The following SHB variants were observed in gnomAD, a reference collection of about 807,000 sequenced individuals.
SHB encodes SH2 domain-containing adapter protein B.
In SHB, 20 loss-of-function variants were observed where a neutral mutation model predicts 52.3. The observed-to-expected ratio is 0.38, with a 90% CI of 0.27 to 0.56. The LOEUF is 0.56. SHB is among the 20% of genes least tolerant of loss of function. The probability of loss-of-function intolerance (pLI) is 0.71; values close to 1 mark genes in which losing one functional copy is unlikely to be tolerated. For synonymous variants in SHB, 397 were observed against 316.5 expected, an observed-to-expected ratio of 1.25 and a Z score of -2.70; for missense variants, 825 against 723.3, an observed-to-expected ratio of 1.14 and a Z score of -1.61.
chr9:37,949,691 C>A (rs1304886618), intron 4 of SHB, among the ~76,000 whole-genome samples: 1 of 152,164 alleles, frequency 6.6e-6, no homozygotes, highest in East Asian at 1.9e-4. Context: ...TCAGAGGGTG[C>A]TGATGGGAGG....
At chr9:38,019,894 A>C (rs1821261645) in intron 1 of SHB, among the ~76,000 whole-genome samples, 1 of 152,232 alleles carries the variant, frequency 6.6e-6, no homozygotes, top group Non-Finnish European at 1.5e-5. Context: ...AGGCTGAAAA[A>C]AAAAATTTAA....
At chr9:38,040,995 C>T (rs1821568373) in intron 1 of SHB, among the ~76,000 whole-genome samples, 1 of 151,958 alleles carries the variant, frequency 6.6e-6, no homozygotes, top group African/African-American at 2.4e-5. Flanking sequence ...GAGTTAACTT[C>T]CACAGGACTG....
chr9:38,015,108 C>T (rs1305819540), intron 2 of SHB, among the ~76,000 whole-genome samples: 1 of 152,250 alleles, frequency 6.6e-6, no homozygotes, highest in Admixed American at 6.5e-5. Flanking sequence ...AGCCACTCTC[C>T]TGCACCCTGC....
intron 1 of SHB, among the ~76,000 whole-genome samples, chr9:38,046,316 A>C (rs1298092080): frequency 6.6e-6 from 1 of 152,210 alleles, no homozygotes; most frequent in Non-Finnish European, 1.5e-5. Context: ...GAAGAAGTGA[A>C]CAGAGGCAAC....
chr9:38,062,926 C>T (rs1476224762), intron 1 of SHB, among the ~76,000 whole-genome samples: 3 of 152,198 alleles, frequency 2.0e-5, no homozygotes, highest in Admixed American at 6.5e-5. Flanking sequence ...GCATGGCCCA[C>T]AATCAAACCA....
In SHB at chr9:38,067,963, G is replaced by T. The variant is rs1821992512; in HGVS notation, c.683C>A (p.Ala228Asp). ...KKLLNKCAAS[A>D]AEESGAGKKD... ...CTTGCCGGCCCCGCTCTCCTCCGCG[G>T]CTGAGGCGGCGCACTTGTTGAGCAG... The change falls in exon 1 of 6, where the codon GCC (alanine) becomes GAC (aspartate). Residue 228 changes from alanine to aspartate, a missense_variant. Transcript: ENST00000377707. The T allele has an allele frequency of 1.3e-6, 2 of 1,551,388 alleles. No homozygotes were observed. Among genetic ancestry groups the T allele is most frequent in the East Asian group, 2.5e-5 (1 of 40,370 alleles).
intron 1 of SHB, among the ~76,000 whole-genome samples, chr9:38,046,332 C>A (rs1821651574): frequency 6.6e-6 from 1 of 152,182 alleles, no homozygotes; most frequent in African/African-American, 2.4e-5. Flanking sequence ...GCAACAGAAA[C>A]CGTGTTGCTG....
intron 1 of SHB, among the ~76,000 whole-genome samples, chr9:38,040,918 G>A (rs1821567049): frequency 6.6e-6 from 1 of 151,952 alleles, no homozygotes; most frequent in Admixed American, 6.6e-5. Flanking sequence ...GGGGTTAGGT[G>A]GGAATAAAGC....
chr9:37,969,682 T>C (rs917377882), intron 3 of SHB, among the ~76,000 whole-genome samples: 1 of 152,208 alleles, frequency 6.6e-6, no homozygotes, highest in Admixed American at 6.5e-5. Flanking sequence ...TCCCTGCCTG[T>C]GGGCCCCTCC....
rs112107963 is a variant in SHB at position 38,000,587 on chromosome 9, G to A, written c.838+15424C>T. Among the ~76,000 whole-genome samples the A allele has an allele frequency of 3.7e-3, 565 of 152,360 alleles. 8 individuals carry two copies. The highest frequency in any genetic ancestry group is 0.013 in the African/African-American group (534 of 41,582). Reference sequence around the variant, plus strand: ...GCTGATTCCCAGGTGGCGCTGTTCCGAGGCCGGGTGGGCTGATTCTGTCTG... The same window carrying A: ...GCTGATTCCCAGGTGGCGCTGTTCCAAGGCCGGGTGGGCTGATTCTGTCTG... On this transcript the variant is annotated intron_variant, in intron 2 of 5. Transcript: ENST00000377707.
At position 38,040,611 on chromosome 9, in the gene SHB, C is replaced by A. The variant is rs926781748; in HGVS notation, c.718-24480G>T. ...GGTAGTGCTGGAGTGGCTGGGAGGG[C>A]TTCCTGGAGGAGGTGGCGGTCTTTC... On this transcript the variant is annotated intron_variant, in intron 1 of 5. Transcript: ENST00000377707. Among the ~76,000 whole-genome samples, 5 of 152,114 alleles carry A rather than the reference C, an allele frequency of 3.3e-5. No individual in the cohort carries two copies. The South Asian group carries it at 1.0e-3, about 32-fold the overall frequency.
At chr9:37,966,039 A>G (rs1820512706) in intron 3 of SHB, among the ~76,000 whole-genome samples, 1 of 152,144 alleles carries the variant, frequency 6.6e-6, no homozygotes, top group African/African-American at 2.4e-5. Flanking sequence ...GGGTTTCACC[A>G]TATTGGCCAG....
At chr9:38,044,231 T>C (rs1821616985) in intron 1 of SHB, among the ~76,000 whole-genome samples, 1 of 152,224 alleles carries the variant, frequency 6.6e-6, no homozygotes, top group South Asian at 2.1e-4. Context: ...GCGACACATG[T>C]TGTGCAGACG....
rs1354462943 is a variant in SHB at position 38,016,016 on chromosome 9, A to G, written c.833T>C (p.Met278Thr). The change falls in exon 2 of 6, where the codon ATG becomes ACG. Residue 278 changes from methionine (M) to threonine (T), a missense_variant. By Grantham distance (81) the Met-to-Thr change is moderately conservative. Coordinates refer to ENST00000377707, the MANE Select transcript of SHB (RefSeq NM_003028.3). ...YMEPYEAQRI[M>T]TEFQRQESVR... ...TGCGCTTCAGCTCCACTTACCTGTC[A>G]TGATCCTCTGTGCCTCATAGGGCTC... 1 of 1,613,978 alleles carries G rather than the reference A, an allele frequency of 6.2e-7. No individual in the cohort carries two copies. The highest frequency in any genetic ancestry group is 2.2e-5 in the East Asian group (1 of 44,886).
chr9:37,976,181 G>A (rs988364006), intron 2 of SHB, among the ~76,000 whole-genome samples: 1 of 152,102 alleles, frequency 6.6e-6, no homozygotes. Context: ...GAGCACAAAT[G>A]TGCACCACCA....
intron 5 of SHB, among the ~76,000 whole-genome samples, chr9:37,939,335 C>A (rs1259524091): frequency 6.6e-6 from 1 of 152,244 alleles, no homozygotes; most frequent in Non-Finnish European, 1.5e-5. Context: ...CAGGCTCAGC[C>A]TCTGCCCCTC....
At chr9:37,981,733 G>A (rs1036501864) in intron 2 of SHB, among the ~76,000 whole-genome samples, 1 of 152,136 alleles carries the variant, frequency 6.6e-6, no homozygotes, top group Non-Finnish European at 1.5e-5. Flanking sequence ...TGAACATGTA[G>A]AGGCCATTGT....
At chr9:37,951,546 C>G (rs1832566803) in intron 4 of SHB, among the ~76,000 whole-genome samples, 1 of 152,188 alleles carries the variant, frequency 6.6e-6, no homozygotes, top group Non-Finnish European at 1.5e-5. Flanking sequence ...AAACATTTTA[C>G]TAGGAAAACA....
intron 5 of SHB, 37 bp from the exon 6 acceptor site, chr9:37,920,041 C>T (rs746420461): frequency 1.6e-5 from 25 of 1,561,346 alleles, no homozygotes; most frequent in African/African-American, 1.4e-5. Flanking sequence ...AACTACCCCC[C>T]TGACACTCAG....
Sources: allele counts gnomAD v4.1 joint callset (sites outside exome capture counted in the v4.1 genomes callset), GRCh38; gene constraint gnomAD v4.1.1; transcripts MANE v1.5; gene names NCBI Gene and HGNC (gene_info 2026-07-23, HGNC 2026-07-21).